The following MPRIP variants were observed in gnomAD, a reference collection of about 807,000 sequenced individuals.
The protein encoded by MPRIP is myosin phosphatase Rho interacting protein.
A neutral mutation model predicts 234.9 loss-of-function variants in MPRIP; 59 were observed. The observed-to-expected ratio is 0.25, with a 90% confidence interval of 0.20 to 0.31. The LOEUF (loss-of-function observed/expected upper bound fraction) is 0.31, where lower values mean the gene tolerates loss of function less well. Among genes scored for constraint, MPRIP ranks in the 10% least tolerant of loss-of-function variants. The probability of loss-of-function intolerance (pLI) is 1.00; values close to 1 mark genes in which losing one functional copy is unlikely to be tolerated. For synonymous variants in MPRIP, 1,144 were observed against 1,263.9 expected (o/e 0.91, Z 2.01); for missense variants, 2,436 against 3,071.0 (o/e 0.79, Z 4.89).
intron 22 of MPRIP, 39 bp downstream of exon 22, chr17:17,177,451 G>A (rs748104340): frequency 2.5e-6 from 4 of 1,595,598 alleles, no homozygotes; most frequent in Middle Eastern, 1.7e-4. Flanking sequence ...TATTGCTGGG[G>A]GGCTTATGGG....
intron 3 of MPRIP, among the ~76,000 whole-genome samples, chr17:17,123,711 A>C (rs1361576572): frequency 6.6e-6 from 1 of 150,378 alleles, no homozygotes. Context: ...CTCAAAAAAA[A>C]AAAAAAAAAA....
At chr17:17,080,729 A>C (rs2089442813) in intron 3 of MPRIP, among the ~76,000 whole-genome samples, 1 of 152,256 alleles carries the variant, frequency 6.6e-6, no homozygotes, top group Admixed American at 6.5e-5. Flanking sequence ...CAGTTTCGAC[A>C]GGGGTTTATT....
intron 3 of MPRIP, among the ~76,000 whole-genome samples, chr17:17,107,517 A>G (rs934192775): frequency 6.6e-6 from 1 of 152,236 alleles, no homozygotes. Flanking sequence ...CTGTTGGTGC[A>G]GGGAGACACC....
intron 3 of MPRIP, among the ~76,000 whole-genome samples, chr17:17,085,848 G>T (rs2089578282): frequency 1.3e-5 from 2 of 152,188 alleles, no homozygotes; most frequent in Non-Finnish European, 2.9e-5. Context: ...GGGAGGCAGA[G>T]CTTGCAGTGA....
chr17:17,164,645 G>A lies in MPRIP; in HGVS notation c.3054G>A (p.Leu1018=), dbSNP rs2045943452. The A allele has an allele frequency of 8.1e-7, 1 of 1,231,866 alleles. No individual in the cohort carries two copies. The highest frequency in any genetic ancestry group is 1.0e-6 in the Non-Finnish European group (1 of 957,364). 76.3% of individuals were successfully genotyped at this position (1,231,866 alleles called of 1,614,324 possible). A position where few individuals can be genotyped will look rare whatever the true frequency, so the allele number is the denominator to read the frequency against. ...CGCAGCGGCTGATGGAGGAGAAGCT[G>A]CAGAGAAACTATGAGCTGCTGCTGG... is the stretch of plus-strand genomic sequence containing the variant. The part of the protein sequence containing the change: ...EQAQRLMEEK[L]QRNYELLLES... Residue 1018 remains leucine (L), a synonymous_variant, in exon 16 of 24, where the codon CTG becomes CTA. Transcript: ENST00000651222.
In MPRIP at chr17:17,075,700, T is replaced by C; in HGVS notation, c.124-10T>C. ...GCTGCTGGTGACCTGCCCTCTTTTT[T>C]CTCCTCTAGGCAAAACCCATTTATG... On this transcript the variant is annotated splice_polypyrimidine_tract_variant and intron_variant, in intron 1 of 23. Transcript: ENST00000651222. 6.2e-7 allele frequency: 1 copy of C among 1,613,982 alleles called. No homozygotes were observed. The highest frequency in any genetic ancestry group is 8.5e-7 in the Non-Finnish European group (1 of 1,179,906).
chr17:17,042,947 G>C lies in MPRIP; in HGVS notation c.99G>C (p.Leu33=). Residue 33 remains leucine (L), a synonymous_variant, in exon 1 of 24, where the codon CTG becomes CTC. Coordinates refer to ENST00000651222, the MANE Select transcript of MPRIP (RefSeq NM_001364716.4). ...GCTTCAAGCCCCGCGAGTCGCATCTGCTCAACGACGAGGACCTGACGCAGG... is the reference window on the plus strand; with the variant it reads ...GCTTCAAGCCCCGCGAGTCGCATCTCCTCAACGACGAGGACCTGACGCAGG... ...QNCFKPRESH[L]LNDEDLTQAK... The C allele has an allele frequency of 6.2e-7, 1 of 1,611,002 alleles. No individual in the cohort carries two copies. Among genetic ancestry groups the C allele is most frequent in the African/African-American group, 1.3e-5 (1 of 74,936 alleles).
chr17:17,184,015 T>C lies in MPRIP; in HGVS notation c.7207-808T>C, dbSNP rs1410690900. Among the ~76,000 whole-genome samples the C allele has an allele frequency of 2.0e-5, 3 of 152,352 alleles. No individual in the cohort carries two copies. In the East Asian group the frequency reaches 5.8e-4, roughly 29 times the overall value. On this transcript the variant is annotated intron_variant, in intron 23 of 23. Transcript: ENST00000651222. ...GGAGATAAGTGAAGAGCCACAGCAC[T>C]TTCCAGTCAGTACTGGAATGCCCTT...
At chr17:17,080,103 G>C (rs527856769) in intron 3 of MPRIP, among the ~76,000 whole-genome samples, 83 of 152,368 alleles carry the variant, frequency 5.4e-4, no homozygotes, top group African/African-American at 2.0e-3. Context: ...CTTTCTGGCA[G>C]ATGACCTGGG....
chr17:17,172,692 C>T lies in MPRIP; in HGVS notation c.6473-6C>T, dbSNP rs2046167929. 1 of 1,610,126 alleles carries T rather than the reference C, an allele frequency of 6.2e-7. No individual in the cohort carries two copies. The highest frequency in any genetic ancestry group is 2.2e-5 in the East Asian group (1 of 44,882). The stretch of plus-strand genomic sequence containing the variant: ...CTCGGTGCTGAGGCCGTGTCCTTGC[C>T]TGCAGCCATCGAAGCCATGAAGAAC... On this transcript the variant is annotated splice_polypyrimidine_tract_variant and splice_region_variant and intron_variant, in intron 17 of 23. Coordinates refer to ENST00000651222, the MANE Select transcript of MPRIP (RefSeq NM_001364716.4).
intron 5 of MPRIP, among the ~76,000 whole-genome samples, chr17:17,133,763 C>G (rs751147986): frequency 1.3e-5 from 2 of 152,180 alleles, no homozygotes; most frequent in East Asian, 1.9e-4. Context: ...GCGGGAGTCT[C>G]AATAGAGTCT....
chr17:17,088,435 C>A (rs1188828137), intron 3 of MPRIP, among the ~76,000 whole-genome samples: 1 of 152,166 alleles, frequency 6.6e-6, no homozygotes, highest in African/African-American at 2.4e-5. Context: ...GGTTAGGAAA[C>A]TAATTAAGTA....
chr17:17,154,536 CTCCT>C, intron 13 of MPRIP, 121 bp downstream of exon 13: 1 of 735,636 alleles, frequency 1.4e-6, no homozygotes, highest in South Asian at 1.6e-5. Flanking sequence ...CAGTCTGCTG[CTCCT>C]TCCTTCCTGT....
At chr17:17,080,118 G>A (rs1475132600) in intron 3 of MPRIP, among the ~76,000 whole-genome samples, 2 of 152,252 alleles carry the variant, frequency 1.3e-5, no homozygotes, top group Admixed American at 1.3e-4. Context: ...CCTGGGAGCT[G>A]GAGAAACTGA....
chr17:17,076,437 C>T (rs1167533205), intron 2 of MPRIP: 1 of 152,472 alleles, frequency 6.6e-6, no homozygotes, highest in Admixed American at 6.5e-5. Flanking sequence ...CTTTCCTCTT[C>T]TTCTTAGTTT....
chr17:17,165,236 T>G lies in MPRIP; in HGVS notation c.3645T>G (p.Ile1215Met). 3 of 1,303,970 alleles carry G rather than the reference T, an allele frequency of 2.3e-6. No individual in the cohort carries two copies. Among genetic ancestry groups the G allele is most frequent in the Non-Finnish European group, 2.0e-6 (2 of 988,940 alleles). The allele number at this position is 1,303,970 out of a possible 1,614,324, so 80.8% of individuals were successfully genotyped here. The change falls in exon 16 of 24, where the codon ATT becomes ATG. Residue 1215 changes from isoleucine to methionine, a missense_variant. By Grantham distance (10) the Ile-to-Met change is conservative. Transcript: ENST00000651222. ...TTAAGCTCCAGGCAAAAGAAGAGAT[T>G]TTAAGGAAATTTGCAAGTGAATCTC... is the stretch of plus-strand genomic sequence containing the variant. ...TEIKLQAKEE[I>M]LRKFASESPK...
rs2045979216 is a variant in MPRIP, at chr17:17,165,843, C to T, written c.4252C>T (p.Leu1418=). The change falls in exon 16 of 24, where the codon CTG becomes TTG. Residue 1418 remains leucine, a synonymous_variant. Coordinates refer to ENST00000651222, the MANE Select transcript of MPRIP (RefSeq NM_001364716.4). ...QGQSREALLA[L]HHQWAGTEAQ... Reference sequence around the variant, plus strand: ...TCAGAGCCGTGAGGCACTGCTCGCACTGCACCACCAGTGGGCGGGCACCGA... The same window carrying T: ...TCAGAGCCGTGAGGCACTGCTCGCATTGCACCACCAGTGGGCGGGCACCGA... 1 of 1,304,302 alleles carries T rather than the reference C, an allele frequency of 7.7e-7. No homozygotes were observed. Among genetic ancestry groups the T allele is most frequent in the Middle Eastern group, 2.1e-4 (1 of 4,698 alleles). The allele number at this position is 1,304,302 out of a possible 1,614,324, so 80.8% of individuals were successfully genotyped here.
intron 20 of MPRIP, 120 bp from the exon 21 acceptor site, chr17:17,176,306 C>T (rs1228131232): frequency 4.0e-6 from 3 of 744,988 alleles, no homozygotes; most frequent in South Asian, 3.1e-5. Context: ...GCATTGGGCA[C>T]CACGAGGCTG....
intron 1 of MPRIP, among the ~76,000 whole-genome samples, chr17:17,055,294 G>A (rs889475934): frequency 1.3e-5 from 2 of 152,164 alleles, no homozygotes; most frequent in African/African-American, 4.8e-5. Flanking sequence ...CGTATCCATG[G>A]AGCAACTGCC....
Sources: gnomAD v4.1 joint callset for allele counts (sites outside exome capture counted in the v4.1 genomes callset) on GRCh38, gnomAD v4.1.1 for gene constraint, MANE v1.5 for transcripts, NCBI Gene and HGNC (gene_info 2026-07-23, HGNC 2026-07-21) for gene names.